The following BIN3 variants were observed in gnomAD, a reference collection of about 807,000 sequenced individuals.
The protein encoded by BIN3 is bridging integrator 3.
BIN3 carries 41 observed loss-of-function variants against 38.2 expected under a neutral mutation model. The ratio of observed to expected loss-of-function variants is 1.07; its 90% CI spans 0.84 to 1.39. The LOEUF is 1.39. Ranked by LOEUF, BIN3 falls within the 40% of genes most tolerant of loss-of-function variation. The pLI, the probability that BIN3 is intolerant of heterozygous loss-of-function variation, is 0.00. For synonymous variants in BIN3, 145 were observed against 122.6 expected (o/e 1.18, Z -1.21); for missense variants, 361 against 324.3 (o/e 1.11, Z -0.87).
At chr8:22,636,317 G>C (rs993381703) in intron 4 of BIN3, among the ~76,000 whole-genome samples, 2 of 152,220 alleles carry the variant, frequency 1.3e-5, no homozygotes, top group Admixed American at 1.3e-4. Context: ...CCTTGCCCCA[G>C]CACCCACATC....
rs1191126005 is a variant in BIN3, at chr8:22,620,465, A to C, written c.*957T>G. ...TGTTTTTTAAATAAACCAAAGTCAA[A>C]AACAAACTGAGAGTGTGTCCTCCAC... On this transcript the variant is annotated 3_prime_UTR_variant, in exon 9 of 9. Coordinates refer to ENST00000276416, the MANE Select transcript of BIN3 (RefSeq NM_018688.6). 3.4e-5 allele frequency: 5 copies of C among 147,666 alleles called. No homozygotes were observed. The Admixed American group carries it at 3.5e-4, about 10-fold the overall frequency. The allele number at this position is 147,666 out of a possible 1,614,324, so 9.1% of individuals were successfully genotyped here. A position where few individuals can be genotyped will look rare whatever the true frequency, so the allele number is the denominator to read the frequency against.
At position 22,620,649 on chromosome 8, in the gene BIN3, G is replaced by A. The variant is rs1456859648; in HGVS notation, c.*773C>T. On this transcript the variant is annotated 3_prime_UTR_variant, in exon 9 of 9. Coordinates refer to ENST00000276416, the MANE Select transcript of BIN3 (RefSeq NM_018688.6). ...CTGCTGGAGGGTGCTGCTGCTCCGTGGAGGGCAGCAGGCCCAGGAAGGGGT... is the reference window on the plus strand; with the variant it reads ...CTGCTGGAGGGTGCTGCTGCTCCGTAGAGGGCAGCAGGCCCAGGAAGGGGT... 2 of 152,180 alleles carry A rather than the reference G, an allele frequency of 1.3e-5. No individual in the cohort carries two copies. The highest frequency in any genetic ancestry group is 2.1e-4 in the South Asian group (1 of 4,834). 9.4% of individuals were successfully genotyped at this position (152,180 alleles called of 1,614,324 possible).
chr8:22,622,571 G>A (rs978437213), intron 8 of BIN3: 9 of 152,420 alleles, frequency 5.9e-5, no homozygotes, highest in Non-Finnish European at 8.8e-5. Flanking sequence ...CCGGGCGGGC[G>A]AGGGGGAGGC....
chr8:22,644,855 A>G, intron 1 of BIN3, 52 bp from the exon 2 acceptor site: 2 of 1,521,770 alleles, frequency 1.3e-6, no homozygotes, highest in South Asian at 2.3e-5. Flanking sequence ...GGAAGGATGC[A>G]GCTCAAAGTA....
chr8:22,658,191 A>G (rs1803121116), intron 1 of BIN3, among the ~76,000 whole-genome samples: 1 of 152,188 alleles, frequency 6.6e-6, no homozygotes, highest in Non-Finnish European at 1.5e-5. Context: ...GAGAAGAGAT[A>G]TTTTAGTCTC....
In BIN3 at chr8:22,629,957, T is replaced by G. The variant is rs915763204; in HGVS notation, c.338+7A>C. The G allele has an allele frequency of 4.7e-5, 75 of 1,605,760 alleles. No individual in the cohort carries two copies. The highest frequency in any genetic ancestry group is 6.0e-5 in the Non-Finnish European group (71 of 1,175,664). On this transcript the variant is annotated splice_region_variant and intron_variant, in intron 6 of 8. Coordinates refer to ENST00000276416, the MANE Select transcript of BIN3 (RefSeq NM_018688.6). The stretch of plus-strand genomic sequence containing the variant: ...TGCCCCGAGGCCCCCAGGTGACATT[T>G]ACTCACTTTTTTAAGGGCTCGATCA...
intron 1 of BIN3, among the ~76,000 whole-genome samples, chr8:22,658,267 C>T (rs1284940213): frequency 6.6e-6 from 1 of 151,604 alleles, no homozygotes; most frequent in Non-Finnish European, 1.5e-5. Flanking sequence ...TGCCCCACCG[C>T]AAAAAAGAAA....
In BIN3 at chr8:22,629,635, G is replaced by A. The variant is rs901342283; in HGVS notation, c.338+329C>T. 1.1e-5 allele frequency: 5 copies of A among 437,896 alleles called. No individual in the cohort carries two copies. The East Asian group carries it at 1.9e-4, about 17-fold the overall frequency. 27.1% of individuals were successfully genotyped at this position (437,896 alleles called of 1,614,324 possible). A position where few individuals can be genotyped will look rare whatever the true frequency, so the allele number is the denominator to read the frequency against. ...TGAGGGCTGGCCAAGATCTCTGCTA[G>A]CTCCATTCAGCAAGCCCTGGCCCCA... On this transcript the variant is annotated intron_variant, in intron 6 of 8. Coordinates refer to ENST00000276416, the MANE Select transcript of BIN3 (RefSeq NM_018688.6).
chr8:22,636,467 G>A (rs1802368389), intron 4 of BIN3, 58 bp downstream of exon 4: 1 of 1,517,770 alleles, frequency 6.6e-7, no homozygotes, highest in Non-Finnish European at 8.9e-7. Context: ...TGAGAGAGGA[G>A]GGTGCCCACC....
intron 4 of BIN3, among the ~76,000 whole-genome samples, chr8:22,634,083 G>A (rs545074191): frequency 4.7e-4 from 71 of 152,334 alleles, no homozygotes; most frequent in African/African-American, 1.5e-3. Flanking sequence ...CCCTGGCTTC[G>A]TTTATGCTCT....
chr8:22,666,158 C>A (rs1301918448), intron 1 of BIN3, among the ~76,000 whole-genome samples: 1 of 152,070 alleles, frequency 6.6e-6, no homozygotes, highest in Admixed American at 6.5e-5. Flanking sequence ...AGCCTAAAAT[C>A]ATCAAGGTGT....
intron 1 of BIN3, among the ~76,000 whole-genome samples, chr8:22,664,295 C>T (rs1278703676): frequency 6.6e-6 from 1 of 152,230 alleles, no homozygotes; most frequent in Non-Finnish European, 1.5e-5. Flanking sequence ...AAATCCTTCT[C>T]CTCTCATTAA....
chr8:22,647,056 C>CA (rs749955885), intron 1 of BIN3, among the ~76,000 whole-genome samples: 9 of 152,160 alleles, frequency 5.9e-5, no homozygotes, highest in Non-Finnish European at 1.2e-4. Context: ...GTGATTTGAA[C>CA]AAATCTCAAT....
intron 1 of BIN3, among the ~76,000 whole-genome samples, chr8:22,646,030 C>CCTGG (rs1802704140): frequency 6.6e-6 from 1 of 152,218 alleles, no homozygotes; most frequent in Non-Finnish European, 1.5e-5. Flanking sequence ...TGAGCATTAG[C>CCTGG]CTGGCCTCCG....
intron 1 of BIN3, among the ~76,000 whole-genome samples, chr8:22,666,067 A>G (rs1422988457): frequency 6.6e-6 from 1 of 151,960 alleles, no homozygotes; most frequent in Non-Finnish European, 1.5e-5. Context: ...CTCTGCCTCT[A>G]ATTTCCTTCC....
Position 22,630,020 on chromosome 8 carries a change from C to T in BIN3, c.298-16G>A. The T allele has an allele frequency of 6.2e-7, 1 of 1,606,204 alleles. No homozygotes were observed. The highest frequency in any genetic ancestry group is 8.5e-7 in the Non-Finnish European group (1 of 1,175,682). ...TCTGGTTCACCTGTCAAAGAAAAAC[C>T]CAAAGACATTAAAACTGGTGGGGAG... On this transcript the variant is annotated splice_polypyrimidine_tract_variant and intron_variant, in intron 5 of 8. Transcript: ENST00000276416.
At chr8:22,633,575 C>A (rs1372523977) in intron 4 of BIN3, among the ~76,000 whole-genome samples, 1 of 152,254 alleles carries the variant, frequency 6.6e-6, no homozygotes, top group African/African-American at 2.4e-5. Context: ...AAAGAAAGGT[C>A]ATCTTTTTTA....
chr8:22,640,827 G>A (rs1166606298), intron 2 of BIN3, among the ~76,000 whole-genome samples: 1 of 152,134 alleles, frequency 6.6e-6, no homozygotes, highest in African/African-American at 2.4e-5. Flanking sequence ...TGATCATCCT[G>A]GAAGCTGAGG....
intron 1 of BIN3, among the ~76,000 whole-genome samples, chr8:22,656,223 GT>G (rs71206533): frequency 0.066 from 9,043 of 137,100 alleles, 405 homozygotes; most frequent in African/African-American, 0.14. Context: ...GGTCTTAAGG[GT>G]TTTTTTTTTT....
Sources: allele counts gnomAD v4.1 joint callset (sites outside exome capture counted in the v4.1 genomes callset), GRCh38; gene constraint gnomAD v4.1.1; transcripts MANE v1.5; gene names NCBI Gene and HGNC (gene_info 2026-07-23, HGNC 2026-07-21).